The following MARCHF1 variants were observed in gnomAD, a reference collection of about 807,000 sequenced individuals.
MARCHF1 encodes membrane associated ring-CH-type finger 1.
Under a neutral mutation model 54.2 loss-of-function variants are expected in MARCHF1, and 40 were observed. The ratio of observed to expected loss-of-function variants is 0.74; its 90% CI spans 0.57 to 0.96. MARCHF1 has a LOEUF of 0.96. MARCHF1 is among the 40% of genes least tolerant of loss of function. The pLI is 0.00. For missense variants in MARCHF1, 586 were observed against 656.5 expected, an observed-to-expected ratio of 0.89 and a Z score of 1.17; for synonymous variants, 236 against 236.3, an observed-to-expected ratio of 1.00 and a Z score of 0.01.
intron 2 of MARCHF1, among the ~76,000 whole-genome samples, chr4:164,030,381 GTTTAAC>G (rs1241421002): frequency 6.6e-6 from 1 of 152,048 alleles, no homozygotes; most frequent in Non-Finnish European, 1.5e-5. Flanking sequence ...TAAAAATGAA[GTTTAAC>G]TTTATCATAA....
chr4:163,713,212 G>A (rs1745159294), intron 4 of MARCHF1, among the ~76,000 whole-genome samples: 1 of 151,894 alleles, frequency 6.6e-6, no homozygotes, highest in Non-Finnish European at 1.5e-5. Flanking sequence ...AAAATAAGTG[G>A]CCACTTTCCG....
At chr4:164,220,701 G>A (rs1185366553) in intron 1 of MARCHF1, among the ~76,000 whole-genome samples, 2 of 143,832 alleles carry the variant, frequency 1.4e-5, no homozygotes, top group Admixed American at 7.1e-5. Context: ...TGCTATATAT[G>A]TATATATGTA....
chr4:164,351,383 C>T (rs1298380523), intron 1 of MARCHF1, among the ~76,000 whole-genome samples: 4 of 151,068 alleles, frequency 2.6e-5, no homozygotes, highest in African/African-American at 4.9e-5. Flanking sequence ...TTGAAGAGAG[C>T]AGTGGTTCTC....
At chr4:164,357,369 C>T (rs1730589333) in intron 1 of MARCHF1, among the ~76,000 whole-genome samples, 1 of 152,230 alleles carries the variant, frequency 6.6e-6, no homozygotes, top group South Asian at 2.1e-4. Flanking sequence ...TTTCTGCCAT[C>T]ACATCTCTTT....
At chr4:163,813,168 A>G (rs1579306814) in intron 4 of MARCHF1, among the ~76,000 whole-genome samples, 2 of 152,194 alleles carry the variant, frequency 1.3e-5, no homozygotes, top group East Asian at 3.8e-4. Flanking sequence ...TGACACTTCC[A>G]GTGGTTTTCT....
At chr4:163,539,141 C>T (rs918646261) in intron 9 of MARCHF1, among the ~76,000 whole-genome samples, 1 of 152,092 alleles carries the variant, frequency 6.6e-6, no homozygotes, top group Non-Finnish European at 1.5e-5. Context: ...TGGCCTCAGC[C>T]TCCTGAGTAG....
intron 1 of MARCHF1, among the ~76,000 whole-genome samples, chr4:164,116,597 T>C (rs1000810694): frequency 1.3e-5 from 2 of 151,366 alleles, no homozygotes; most frequent in Non-Finnish European, 2.9e-5. Flanking sequence ...TAAATTTAAA[T>C]TTAAGTAGTT....
chr4:163,612,251 C>T lies in MARCHF1; in HGVS notation c.1010+20G>A, dbSNP rs1741366699. ...GAACTATATATGGATGACATCAAGC[C>T]TTTCTCTACAGTGACTGACCTGCAT... On this transcript the variant is annotated intron_variant, in intron 7 of 9. Coordinates refer to ENST00000514618, the MANE Select transcript of MARCHF1 (RefSeq NM_001394959.1). 2.1e-6 allele frequency: 3 copies of T among 1,463,312 alleles called. No individual in the cohort carries two copies. The highest frequency in any genetic ancestry group is 2.7e-6 in the Non-Finnish European group (3 of 1,116,974). 90.6% of individuals were successfully genotyped at this position (1,463,312 alleles called of 1,614,324 possible).
intron 3 of MARCHF1, among the ~76,000 whole-genome samples, chr4:163,863,545 A>G (rs1749986632): frequency 6.6e-6 from 1 of 152,116 alleles, no homozygotes; most frequent in Non-Finnish European, 1.5e-5. Flanking sequence ...AGTTGGAGAC[A>G]TTAATATGAA....
At position 163,709,379 on chromosome 4, in the gene MARCHF1, C is replaced by T. The variant is rs1411069123; in HGVS notation, c.112-8516G>A. Among the ~76,000 whole-genome samples, 17 of 152,064 alleles carry T rather than the reference C, an allele frequency of 1.1e-4. 1 individual carries two copies. The highest frequency in any genetic ancestry group is 1.1e-3 in the Admixed American group (17 of 15,262). ...TAGCTTGAGCCCAGGAGTTCAAGAC[C>T]AGCCTGGGCAACACAGTGAGACCTC... is the stretch of plus-strand genomic sequence containing the variant. On this transcript the variant is annotated intron_variant, in intron 4 of 9. Transcript: ENST00000514618.
chr4:163,677,792 T>C (rs1043230636), intron 5 of MARCHF1, among the ~76,000 whole-genome samples: 1 of 152,202 alleles, frequency 6.6e-6, no homozygotes, highest in African/African-American at 2.4e-5. Flanking sequence ...GGACACACAC[T>C]ACATGCCAAC....
chr4:163,688,458 A>G (rs1465733047), intron 5 of MARCHF1, among the ~76,000 whole-genome samples: 1 of 152,182 alleles, frequency 6.6e-6, no homozygotes, highest in African/African-American at 2.4e-5. Flanking sequence ...TGAGTGATCA[A>G]TCTTTATTGA....
At position 164,148,250 on chromosome 4, in the gene MARCHF1, A is replaced by G. The variant is rs201625268; in HGVS notation, c.-322-36588T>C. The stretch of plus-strand genomic sequence containing the variant: ...ACAACTACTAGTAGGGGATGTTGAA[A>G]TGATGCCAGTTCACAAGATTTTGCT... On this transcript the variant is annotated intron_variant, in intron 1 of 9. Transcript: ENST00000514618. Among the ~76,000 whole-genome samples the G allele has an allele frequency of 8.5e-5, 13 of 152,252 alleles. No homozygotes were observed. In the East Asian group the frequency reaches 2.5e-3, roughly 29 times the overall value.
intron 5 of MARCHF1, among the ~76,000 whole-genome samples, chr4:163,663,261 C>T (rs1743412994): frequency 6.8e-6 from 1 of 146,194 alleles, no homozygotes; most frequent in Non-Finnish European, 1.5e-5. Flanking sequence ...TTTAAGTGTA[C>T]ATCCCACTCA....
intron 4 of MARCHF1, among the ~76,000 whole-genome samples, chr4:163,845,813 T>C (rs538034963): frequency 1.8e-4 from 28 of 152,302 alleles, no homozygotes; most frequent in African/African-American, 6.5e-4. Flanking sequence ...TGTTTTGACA[T>C]TGTTCAGTAA....
In MARCHF1 at chr4:164,211,331, GTATATATATA is replaced by G. The variant is rs10604337; in HGVS notation, c.-322-99679_-322-99670del. Among the ~76,000 whole-genome samples the G allele has an allele frequency of 7.5e-3, 868 of 115,982 alleles. 15 individuals are homozygous for G. The highest frequency in any genetic ancestry group is 0.023 in the African/African-American group (829 of 36,202). The allele number at this position is 115,982 out of a possible 152,430, so 76.1% of individuals were successfully genotyped here. On this transcript the variant is annotated intron_variant, in intron 1 of 9. Transcript: ENST00000514618. ...AACCTGCATATGTGTATGTATGTAT[GTATATATATA>G]TATATATATATATACCACATTGCAA...
At chr4:163,570,078 G>T (rs1283091282) in intron 8 of MARCHF1, among the ~76,000 whole-genome samples, 1 of 152,058 alleles carries the variant, frequency 6.6e-6, no homozygotes, top group Non-Finnish European at 1.5e-5. Context: ...AGATAATCTA[G>T]ATTGTAAACT....
intron 1 of MARCHF1, among the ~76,000 whole-genome samples, chr4:164,235,775 T>C (rs1054843542): frequency 3.3e-5 from 5 of 152,010 alleles, no homozygotes; most frequent in African/African-American, 9.7e-5. Context: ...AAAAAACCAG[T>C]ACACATTAGG....
chr4:163,917,533 A>G (rs1305669743), intron 3 of MARCHF1, among the ~76,000 whole-genome samples: 1 of 152,078 alleles, frequency 6.6e-6, no homozygotes, highest in Non-Finnish European at 1.5e-5. Context: ...GAATCTTTCC[A>G]TATGTTTATT....
Sources: gnomAD v4.1 joint callset for allele counts (sites outside exome capture counted in the v4.1 genomes callset) on GRCh38, gnomAD v4.1.1 for gene constraint, MANE v1.5 for transcripts, NCBI Gene and HGNC (gene_info 2026-07-23, HGNC 2026-07-21) for gene names.